The following SMARCA1 variants were observed in gnomAD, a reference collection of about 807,000 sequenced individuals.
SMARCA1 encodes the protein SWI/SNF-related matrix-associated actin-dependent regulator of chromatin subfamily A member 1.
Under a neutral mutation model 93.6 loss-of-function variants are expected in SMARCA1, and 17 were observed. That is an observed-to-expected ratio of 0.18 (90% CI 0.12 to 0.27). The LOEUF (loss-of-function observed/expected upper bound fraction) is 0.27, where lower values mean the gene tolerates loss of function less well. Among genes scored for constraint, SMARCA1 ranks in the 10% least tolerant of loss-of-function variants. The probability of loss-of-function intolerance (pLI) is 1.00; values close to 1 mark genes in which losing one functional copy is unlikely to be tolerated. For synonymous variants in SMARCA1, 271 were observed against 271.4 expected, an observed-to-expected ratio of 1.00 and a Z score of 0.01; for missense variants, 630 against 819.0, an observed-to-expected ratio of 0.77 and a Z score of 2.82.
chrX:129,507,391 A>G (rs1437920452), intron 7 of SMARCA1, among the ~76,000 whole-genome samples: 1 of 112,479 alleles, frequency 8.9e-6, no homozygotes, highest in Non-Finnish European at 1.9e-5. Context: ...TTTGCACACT[A>G]AATATTCTCA....
intron 12 of SMARCA1, among the ~76,000 whole-genome samples, chrX:129,496,158 A>C (rs1380966592): frequency 1.0e-5 from 1 of 98,113 alleles, no homozygotes; most frequent in Non-Finnish European, 2.0e-5. Context: ...AAAATACTGC[A>C]TACTAGATAA....
intron 23 of SMARCA1, among the ~76,000 whole-genome samples, chrX:129,459,053 C>T (rs1404777471): frequency 8.9e-6 from 1 of 112,251 alleles, no homozygotes; most frequent in Non-Finnish European, 1.9e-5. Context: ...TAAACATATC[C>T]TACATTTCAC....
intron 10 of SMARCA1, among the ~76,000 whole-genome samples, chrX:129,499,413 C>A (rs6529381): frequency 0.012 from 1,377 of 110,587 alleles, 12 homozygotes; most frequent in African/African-American, 0.043. Flanking sequence ...AATCCTAACA[C>A]CATCCTCATA....
intron 10 of SMARCA1, among the ~76,000 whole-genome samples, chrX:129,498,985 T>C (rs890787958): frequency 9.0e-6 from 1 of 111,175 alleles, no homozygotes; most frequent in Non-Finnish European, 1.9e-5. Context: ...ATCACCAACA[T>C]TTTCATCAAC....
chrX:129,499,892 A>G, intron 9 of SMARCA1, 51 bp from the exon 10 acceptor site: 1 of 592,922 alleles, frequency 1.7e-6, no homozygotes, highest in East Asian at 3.8e-5. Flanking sequence ...AATATGATTA[A>G]TAATGTATTT....
chrX:129,502,550 T>A lies in SMARCA1; in HGVS notation c.1167+2184A>T, dbSNP rs556135961. On this transcript the variant is annotated intron_variant, in intron 9 of 24. Coordinates refer to ENST00000371121, the MANE Select transcript of SMARCA1 (RefSeq NM_001282874.2). ...GAAGACACTGTGAGACAAATTTCAGTTGTATGGAATGGATAGAAGCCAGTG... is the reference window on the plus strand; with the variant it reads ...GAAGACACTGTGAGACAAATTTCAGATGTATGGAATGGATAGAAGCCAGTG... Among the ~76,000 whole-genome samples, 7 of 111,515 alleles carry A rather than the reference T, an allele frequency of 6.3e-5. No individual in the cohort carries two copies. The South Asian group carries it at 2.7e-3, about 43-fold the overall frequency.
intron 11 of SMARCA1, 71 bp downstream of exon 11, chrX:129,497,774 G>C: frequency 1.5e-6 from 1 of 679,946 alleles, no homozygotes; most frequent in Non-Finnish European, 2.3e-6. Context: ...GAATGAATAT[G>C]GAAAATTTTA....
At chrX:129,523,123 G>A (rs1486697768) in intron 1 of SMARCA1, 74 bp downstream of exon 1, 22 of 1,098,357 alleles carry the variant, frequency 2.0e-5, no homozygotes, top group Non-Finnish European at 2.7e-5. Flanking sequence ...GGCGCCGAAA[G>A]GTCAGGGTTT....
intron 17 of SMARCA1, 33 bp from the exon 18 acceptor site, chrX:129,481,218 T>G (rs1193578927): frequency 6.7e-6 from 6 of 901,328 alleles, no homozygotes; most frequent in Non-Finnish European, 9.7e-6. Flanking sequence ...AGGGGTTTAA[T>G]GACTCCAAAC....
At chrX:129,492,237 T>C (rs1934155578) in intron 13 of SMARCA1, 144 bp from the exon 14 acceptor site, 1 of 384,184 alleles carries the variant, frequency 2.6e-6, no homozygotes, top group Non-Finnish European at 4.6e-6. Context: ...AAATATACTT[T>C]ATAATATTCT....
chrX:129,507,099 A>G (rs1203907492), intron 7 of SMARCA1, among the ~76,000 whole-genome samples: 6 of 112,046 alleles, frequency 5.4e-5, no homozygotes, highest in African/African-American at 1.9e-4. Context: ...CTTATCAGAT[A>G]TTAGTTCCAA....
rs983309958 is a variant in SMARCA1 at position 129,492,093 on chromosome X, C to G, written c.1663G>C (p.Glu555Gln). 4.2e-5 allele frequency: 47 copies of G among 1,112,912 alleles called. No individual in the cohort carries two copies. Among genetic ancestry groups the G allele is most frequent in the Non-Finnish European group, 5.4e-5 (44 of 815,798 alleles). The allele number at this position is 1,112,912 out of a possible 1,213,427, so 91.7% of individuals were successfully genotyped here. Residue 555 changes from glutamate (E) to glutamine (Q), a missense_variant and splice_region_variant, in exon 14 of 25, where the codon GAA becomes CAA. Coordinates refer to ENST00000371121, the MANE Select transcript of SMARCA1 (RefSeq NM_001282874.2). ...FLEVEFLGQR[E>Q]AIEAFNAPNS... ...GGAGCATTAAAAGCCTCTATTGCTT[C>G]CTTTATTTTTTATTGATAAAGGGAT...
At position 129,508,084 on chromosome X, in the gene SMARCA1, G is replaced by A. The variant is rs139066770; in HGVS notation, c.823C>T (p.Arg275Cys). Residue 275 changes from arginine to cysteine, a missense_variant, in exon 7 of 25, where the codon CGT becomes TGT. Around this residue, in one of 4 missense-constraint regions of SMARCA1, gnomAD observed 382 missense variants for 537.9 expected, o/e 0.71. Coordinates refer to ENST00000371121, the MANE Select transcript of SMARCA1 (RefSeq NM_001282874.2). ...GDKDARAAFI[R>C]DEMMPGEWDV... Reference sequence around the variant, plus strand: ...CACTCTCCTGGCATCATTTCATCACGAATAAAAGCAGCCTAATGCAAAATA... The same window carrying A: ...CACTCTCCTGGCATCATTTCATCACAAATAAAAGCAGCCTAATGCAAAATA... 1,771 of 1,153,973 alleles carry A rather than the reference G, an allele frequency of 1.5e-3. 5 individuals are homozygous for A. The highest frequency in any genetic ancestry group is 1.0e-3 in the Non-Finnish European group (896 of 860,004).
At chrX:129,482,509 C>G (rs1470775417) in intron 17 of SMARCA1, among the ~76,000 whole-genome samples, 1 of 111,509 alleles carries the variant, frequency 9.0e-6, no homozygotes, top group East Asian at 2.8e-4. Flanking sequence ...GACCAGGATT[C>G]TGCTACTTCA....
At chrX:129,454,428 C>T (rs886990837) in intron 23 of SMARCA1, among the ~76,000 whole-genome samples, 1 of 111,794 alleles carries the variant, frequency 8.9e-6, no homozygotes, top group Admixed American at 9.5e-5. Flanking sequence ...CAACAAAAGC[C>T]AAAATTGACA....
chrX:129,496,047 A>C (rs1934312943), intron 12 of SMARCA1, among the ~76,000 whole-genome samples: 1 of 104,123 alleles, frequency 9.6e-6, no homozygotes, highest in East Asian at 3.0e-4. Flanking sequence ...AAATTAGCAA[A>C]GCCTTCCAAG....
At chrX:129,450,577 C>A (rs753871322) in intron 23 of SMARCA1, among the ~76,000 whole-genome samples, 4 of 111,377 alleles carry the variant, frequency 3.6e-5, no homozygotes, top group Non-Finnish European at 3.8e-5. Flanking sequence ...AAGATGTATA[C>A]AAATATTTAC....
At chrX:129,469,048 A>G (rs1933005012) in intron 20 of SMARCA1, 143 bp from the exon 21 acceptor site, 3 of 358,319 alleles carry the variant, frequency 8.4e-6, no homozygotes, top group Non-Finnish European at 1.4e-5. Context: ...CACATATTTT[A>G]TGTTGGAATC....
In SMARCA1 at chrX:129,488,957, G is replaced by A. The variant is rs200836295; in HGVS notation, c.2077C>T (p.Leu693=). 5.9e-6 allele frequency: 7 copies of A among 1,184,683 alleles called. No homozygotes were observed. ...CTAACCTTCTTTTCCCCTCTTTCCA[G>A]AATAGTTGTAATGTCTTCATCTGTC... ...ELTDEDITTI[L]ERGEKKTAEM... Residue 693 remains leucine, a synonymous_variant, in exon 16 of 25, where the codon CTG becomes TTG. Coordinates refer to ENST00000371121, the MANE Select transcript of SMARCA1 (RefSeq NM_001282874.2).
Sources: gnomAD v4.1 joint callset for allele counts (sites outside exome capture counted in the v4.1 genomes callset) on GRCh38, gnomAD v4.1.1 for gene constraint, gnomAD v4.1.1 regional missense constraint, MANE v1.5 for transcripts, NCBI Gene and HGNC (gene_info 2026-07-23, HGNC 2026-07-21) for gene names.